SPOP: variants seen among roughly 807,000 people sequenced by gnomAD.
SPOP encodes speckle-type POZ protein.
In SPOP, 11 loss-of-function variants were observed where a neutral mutation model predicts 45.6. The observed-to-expected ratio is 0.24, with a 90% confidence interval of 0.15 to 0.40. The LOEUF (loss-of-function observed/expected upper bound fraction) is 0.40, where lower values mean the gene tolerates loss of function less well. Ranked by LOEUF, SPOP falls within the 10% of genes least tolerant of loss-of-function variation. The pLI is 1.00. For missense variants in SPOP, 152 were observed against 465.6 expected, an observed-to-expected ratio of 0.33 and a Z score of 6.20; for synonymous variants, 166 against 166.3, an observed-to-expected ratio of 1.00 and a Z score of 0.01.
chr17:49,601,761 G>A, intron 9 of SPOP, 104 bp downstream of exon 9: 1 of 1,429,660 alleles, frequency 7.0e-7, no homozygotes, highest in Non-Finnish European at 9.6e-7. Context: ...CTGCCAAAAG[G>A]TTAATGAAGC....
chr17:49,676,377 C>T (rs2073199422), intron 1 of SPOP, among the ~76,000 whole-genome samples: 1 of 152,114 alleles, frequency 6.6e-6, no homozygotes, highest in Admixed American at 6.5e-5. Context: ...CTAACTGTAA[C>T]CATGGCAACA....
intron 1 of SPOP, among the ~76,000 whole-genome samples, chr17:49,625,106 T>A (rs1308911857): frequency 6.6e-6 from 1 of 152,160 alleles, no homozygotes; most frequent in Non-Finnish European, 1.5e-5. Context: ...GGCCCAAGTT[T>A]GCATTTCTAA....
At chr17:49,637,104 T>C (rs1255677869) in intron 1 of SPOP, among the ~76,000 whole-genome samples, 2 of 151,934 alleles carry the variant, frequency 1.3e-5, no homozygotes, top group Non-Finnish European at 2.9e-5. Context: ...TCCCAGTTAC[T>C]TAGGAGGCTG....
intron 1 of SPOP, among the ~76,000 whole-genome samples, chr17:49,651,789 C>T (rs373009044): frequency 1.4e-4 from 21 of 152,216 alleles, no homozygotes; most frequent in Non-Finnish European, 1.8e-4. Context: ...GAGGCCAAGG[C>T]AGGCAGATCA....
intron 1 of SPOP, among the ~76,000 whole-genome samples, chr17:49,647,313 TAAA>T (rs1156781114): frequency 9.3e-5 from 4 of 43,118 alleles, no homozygotes; most frequent in South Asian, 1.0e-3. Flanking sequence ...GATGCCGTCT[TAAA>T]AAAAAAAAAA....
chr17:49,645,692 C>T (rs988346049), intron 1 of SPOP, among the ~76,000 whole-genome samples: 2 of 152,106 alleles, frequency 1.3e-5, no homozygotes, highest in African/African-American at 4.8e-5. Context: ...TTATTTATTC[C>T]TCTAAGAACC....
At chr17:49,642,628 A>T (rs1215051250) in intron 1 of SPOP, among the ~76,000 whole-genome samples, 1 of 152,248 alleles carries the variant, frequency 6.6e-6, no homozygotes, top group Non-Finnish European at 1.5e-5. Context: ...AGGAACTAAA[A>T]AAAGTTTTAT....
chr17:49,630,602 G>A (rs200432107), intron 1 of SPOP, among the ~76,000 whole-genome samples: 1 of 66,958 alleles, frequency 1.5e-5, no homozygotes, highest in Non-Finnish European at 2.8e-5. Flanking sequence ...CTGTTTTTTT[G>A]TTTTCTTTAA....
At chr17:49,614,455 A>T (rs926423782) in intron 5 of SPOP, among the ~76,000 whole-genome samples, 1 of 152,236 alleles carries the variant, frequency 6.6e-6, no homozygotes, top group African/African-American at 2.4e-5. Flanking sequence ...AGACATACAA[A>T]TAATAAACAA....
At chr17:49,658,642 C>T (rs988929438) in intron 1 of SPOP, among the ~76,000 whole-genome samples, 3 of 152,196 alleles carry the variant, frequency 2.0e-5, no homozygotes, top group South Asian at 2.1e-4. Flanking sequence ...ATGTTTCCAT[C>T]GGCGGTGGCA....
At chr17:49,602,086 G>T in intron 8 of SPOP, 79 bp from the exon 9 acceptor site, 1 of 1,522,384 alleles carries the variant, frequency 6.6e-7, no homozygotes. Flanking sequence ...TTCTTTAGCT[G>T]TACCATCATA....
chr17:49,671,098 G>GCT (rs1303689011), intron 1 of SPOP, among the ~76,000 whole-genome samples: 1 of 152,066 alleles, frequency 6.6e-6, no homozygotes, highest in Admixed American at 6.6e-5. Context: ...GGTGGTCAAT[G>GCT]CTCTCTTCAG....
rs2073100519 is a variant in SPOP, at chr17:49,668,977, CG to C, written c.-67+8955del. On this transcript the variant is annotated intron_variant, in intron 1 of 9. Coordinates refer to ENST00000504102, the MANE Select transcript of SPOP (RefSeq NM_001007228.2). The stretch of plus-strand genomic sequence containing the variant: ...ATTTTTAGTAGAGACGGGGTTTCAC[CG>C]CGTTAGCCAGGGTGGTATCGATCTC... Among the ~76,000 whole-genome samples the C allele has an allele frequency of 3.3e-5, 5 of 150,508 alleles. No homozygotes were observed. The South Asian group carries it at 1.0e-3, about 32-fold the overall frequency.
chr17:49,600,106 G>GTAT lies in SPOP; in HGVS notation c.*271_*272insATA, dbSNP rs1223513413. The GTAT allele has an allele frequency of 2.7e-5, 12 of 449,570 alleles. No individual in the cohort carries two copies. The highest frequency in any genetic ancestry group is 1.7e-4 in the East Asian group (5 of 28,770). The allele number at this position is 449,570 out of a possible 1,614,324, so 27.8% of individuals were successfully genotyped here. ...AGTACCACCGCTGGGATATCCTCGG[G>GTAT]CCAGCGCCTAAACTGAATCCCCACA... On this transcript the variant is annotated 3_prime_UTR_variant, in exon 10 of 10. Coordinates refer to ENST00000504102, the MANE Select transcript of SPOP (RefSeq NM_001007228.2). The surrounding 1 kb of genome is among the most constrained non-coding windows in gnomAD (Gnocchi z 4.2).
At chr17:49,649,311 C>CTCAA (rs2072807308) in intron 1 of SPOP, among the ~76,000 whole-genome samples, 1 of 144,842 alleles carries the variant, frequency 6.9e-6, no homozygotes, top group African/African-American at 2.6e-5. Flanking sequence ...CCAAGGAGAG[C>CTCAA]GGACCACCTG....
At chr17:49,667,805 A>G (rs1020442913) in intron 1 of SPOP, among the ~76,000 whole-genome samples, 1 of 152,340 alleles carries the variant, frequency 6.6e-6, no homozygotes, top group East Asian at 1.9e-4. Flanking sequence ...ACTCATGTTC[A>G]TATCAGCATT....
chr17:49,654,825 GTTTAT>G (rs920257642), intron 1 of SPOP, among the ~76,000 whole-genome samples: 1 of 152,090 alleles, frequency 6.6e-6, no homozygotes, highest in African/African-American at 2.4e-5. Flanking sequence ...TGGCATTCTG[GTTTAT>G]TTTGTCAACT....
At chr17:49,643,620 C>T (rs1248516048) in intron 1 of SPOP, among the ~76,000 whole-genome samples, 1 of 152,230 alleles carries the variant, frequency 6.6e-6, no homozygotes. Context: ...AATAGTCCCA[C>T]ACAGTAGGGA....
At chr17:49,611,608 GC>G in intron 5 of SPOP, 151 bp from the exon 6 acceptor site, 1 of 704,650 alleles carries the variant, frequency 1.4e-6, no homozygotes, top group South Asian at 1.8e-5. Flanking sequence ...CAAGGCTTTA[GC>G]CCCGGATCAA....
Sources: gnomAD v4.1 joint callset for allele counts (sites outside exome capture counted in the v4.1 genomes callset) on GRCh38, gnomAD v4.1.1 for gene constraint, Gnocchi (gnomAD v3.1) non-coding constraint, MANE v1.5 for transcripts, NCBI Gene and HGNC (gene_info 2026-07-23, HGNC 2026-07-21) for gene names.